The following LRRTM4 variants were observed in gnomAD, a reference collection of about 807,000 sequenced individuals.
LRRTM4 encodes the protein leucine-rich repeat transmembrane neuronal protein 4.
In LRRTM4, 25 loss-of-function variants were observed where a neutral mutation model predicts 47.6. That is an observed-to-expected ratio of 0.53 (90% CI 0.38 to 0.73). The LOEUF (loss-of-function observed/expected upper bound fraction) is 0.73, where lower values mean the gene tolerates loss of function less well. Among genes scored for constraint, LRRTM4 ranks in the 30% least tolerant of loss-of-function variants. The pLI is 0.00. For missense variants in LRRTM4, 638 were observed against 713.4 expected (o/e 0.89, Z 1.20); for synonymous variants, 311 against 269.5 (o/e 1.15, Z -1.51).
intron 3 of LRRTM4, among the ~76,000 whole-genome samples, chr2:76,975,676 A>G (rs964390609): frequency 6.6e-6 from 1 of 151,782 alleles, no homozygotes; most frequent in African/African-American, 2.4e-5. Context: ...TCTACTAGGT[A>G]GAAAACATTG....
chr2:77,103,870 A>C (rs1261286245), intron 3 of LRRTM4, among the ~76,000 whole-genome samples: 2 of 151,974 alleles, frequency 1.3e-5, no homozygotes, highest in Non-Finnish European at 2.9e-5. Context: ...CACCAAGAAG[A>C]AAGCCTATTC....
At chr2:77,306,394 C>T (rs1448789263) in intron 3 of LRRTM4, among the ~76,000 whole-genome samples, 1 of 152,180 alleles carries the variant, frequency 6.6e-6, no homozygotes, top group East Asian at 1.9e-4. Context: ...TGCAACTTAG[C>T]ATGGCTTTTG....
chr2:76,881,639 C>T (rs1005754777), intron 3 of LRRTM4, among the ~76,000 whole-genome samples: 2 of 151,850 alleles, frequency 1.3e-5, no homozygotes, highest in African/African-American at 4.8e-5. Flanking sequence ...TGAACTACTT[C>T]TTTTTTTCTA....
intron 3 of LRRTM4, among the ~76,000 whole-genome samples, chr2:77,223,994 A>G (rs1674725212): frequency 1.3e-5 from 2 of 152,020 alleles, no homozygotes; most frequent in Non-Finnish European, 2.9e-5. Flanking sequence ...ACAGCATGGT[A>G]CTGGTACCAA....
At chr2:77,061,931 C>G (rs1003068917) in intron 3 of LRRTM4, among the ~76,000 whole-genome samples, 1 of 152,046 alleles carries the variant, frequency 6.6e-6, no homozygotes, top group East Asian at 1.9e-4. Flanking sequence ...TGTTAATGAG[C>G]CAATTAAACA....
rs200933978 is a variant in LRRTM4, at chr2:77,207,347, G to GTATATA, written c.1551+310970_1551+310971insTATATA. Among the ~76,000 whole-genome samples the GTATATA allele has an allele frequency of 2.8e-4, 23 of 83,404 alleles. 1 individual carries two copies. The highest frequency in any genetic ancestry group is 9.5e-4 in the African/African-American group (22 of 23,198). 54.7% of individuals were successfully genotyped at this position (83,404 alleles called of 152,430 possible). A position where few individuals can be genotyped will look rare whatever the true frequency, so the allele number is the denominator to read the frequency against. On this transcript the variant is annotated intron_variant, in intron 3 of 3. Transcript: ENST00000409884. The stretch of plus-strand genomic sequence containing the variant: ...TTATGTTTTTCCTAATTTCATATAT[G>GTATATA]TGTATATATATATATATATATATAT...
chr2:77,066,291 AACT>A (rs1239065802), intron 3 of LRRTM4, among the ~76,000 whole-genome samples: 1 of 152,200 alleles, frequency 6.6e-6, no homozygotes, highest in African/African-American at 2.4e-5. Flanking sequence ...ATAGAACAAG[AACT>A]ACTGAGTCTG....
At position 76,830,515 on chromosome 2, in the gene LRRTM4, CGTGTGT is replaced by C. The variant is rs57566911; in HGVS notation, c.1552-81605_1552-81600del. On this transcript the variant is annotated intron_variant, in intron 3 of 3. Transcript: ENST00000409884. Reference sequence around the variant, plus strand: ...AGTTGTCTATGTGTGGCAGTGTGTGCGTGTGTGTGTGTGTGTGTGTGTGTGTGTGTG... The same window carrying C: ...AGTTGTCTATGTGTGGCAGTGTGTGCGTGTGTGTGTGTGTGTGTGTGTGTG... Among the ~76,000 whole-genome samples, 1,075 of 144,074 alleles carry C rather than the reference CGTGTGT, an allele frequency of 7.5e-3. 9 individuals carry two copies. Among genetic ancestry groups the C allele is most frequent in the African/African-American group, 0.022 (869 of 39,988 alleles). 94.5% of individuals were successfully genotyped at this position (144,074 alleles called of 152,430 possible).
At chr2:76,945,798 C>T (rs1675304819) in intron 3 of LRRTM4, among the ~76,000 whole-genome samples, 2 of 151,496 alleles carry the variant, frequency 1.3e-5, no homozygotes. Context: ...TATTTCAAAA[C>T]ATCATTACAG....
intron 3 of LRRTM4, among the ~76,000 whole-genome samples, chr2:77,272,366 T>C (rs920489340): frequency 6.6e-6 from 1 of 152,052 alleles, no homozygotes; most frequent in African/African-American, 2.4e-5. Flanking sequence ...ATAATGAACA[T>C]AGTAATAGCC....
intron 3 of LRRTM4, among the ~76,000 whole-genome samples, chr2:77,448,964 A>T (rs1226279388): frequency 6.6e-6 from 1 of 152,192 alleles, no homozygotes; most frequent in Non-Finnish European, 1.5e-5. Flanking sequence ...AAATTTGATT[A>T]TCTTGATCAT....
rs187196681 is a variant in LRRTM4 at position 77,029,907 on chromosome 2, A to G, written c.1552-280991T>C. 2.0e-3 allele frequency among the ~76,000 whole-genome samples: 307 copies of G among 152,072 alleles called. 1 individual carries two copies. Among genetic ancestry groups the G allele is most frequent in the African/African-American group, 6.8e-3 (283 of 41,460 alleles). On this transcript the variant is annotated intron_variant, in intron 3 of 3. Coordinates refer to ENST00000409884, the MANE Select transcript of LRRTM4 (RefSeq NM_001134745.3). ...GTGGTGACCAAAATCCTAGGGACTC[A>G]GGGGGAAATTAAAACACATTAAATA...
chr2:77,514,843 T>C (rs1679149016), intron 3 of LRRTM4, among the ~76,000 whole-genome samples: 1 of 151,992 alleles, frequency 6.6e-6, no homozygotes, highest in African/African-American at 2.4e-5. Flanking sequence ...AACTAGATAT[T>C]CAAAACTTTG....
intron 3 of LRRTM4, among the ~76,000 whole-genome samples, chr2:76,990,232 G>A (rs572035789): frequency 2.0e-5 from 3 of 151,664 alleles, no homozygotes; most frequent in Admixed American, 6.6e-5. Flanking sequence ...CTAAAAAGAC[G>A]GTGGGAAACC....
intron 3 of LRRTM4, among the ~76,000 whole-genome samples, chr2:76,925,236 C>G (rs1295086349): frequency 6.6e-6 from 1 of 152,268 alleles, no homozygotes; most frequent in East Asian, 1.9e-4. Context: ...TGCTTTCCTA[C>G]TCTTCATGAA....
At position 77,208,541 on chromosome 2, in the gene LRRTM4, TGGAGAA is replaced by T. The variant is rs1276638686; in HGVS notation, c.1551+309771_1551+309776del. Among the ~76,000 whole-genome samples, 3 of 152,114 alleles carry T rather than the reference TGGAGAA, an allele frequency of 2.0e-5. No individual in the cohort carries two copies. In the East Asian group the frequency reaches 5.8e-4, roughly 30 times the overall value. On this transcript the variant is annotated intron_variant, in intron 3 of 3. Coordinates refer to ENST00000409884, the MANE Select transcript of LRRTM4 (RefSeq NM_001134745.3). ...CTGTGGGTGGAGGCTGGTCAACTGTTGGAGAAGGAGTTGGGGTGTCACACATATATA... is the reference window on the plus strand; with the variant it reads ...CTGTGGGTGGAGGCTGGTCAACTGTTGGAGTTGGGGTGTCACACATATATA...
intron 3 of LRRTM4, among the ~76,000 whole-genome samples, chr2:77,164,122 A>T (rs940724065): frequency 1.3e-5 from 2 of 152,192 alleles, no homozygotes; most frequent in African/African-American, 4.8e-5. Flanking sequence ...AAAATCTACC[A>T]AGCAAATGGA....
At chr2:77,332,865 A>G (rs1306612967) in intron 3 of LRRTM4, among the ~76,000 whole-genome samples, 2 of 152,122 alleles carry the variant, frequency 1.3e-5, no homozygotes, top group African/African-American at 4.8e-5. Context: ...CACAGTACTG[A>G]TATAGATTGA....
chr2:77,421,478 C>T (rs1195982226), intron 3 of LRRTM4, among the ~76,000 whole-genome samples: 1 of 152,078 alleles, frequency 6.6e-6, no homozygotes, highest in Admixed American at 6.5e-5. Context: ...GAGGCCGAGG[C>T]GGGCGGATCA....
Sources: gnomAD v4.1 joint callset for allele counts (sites outside exome capture counted in the v4.1 genomes callset) on GRCh38, gnomAD v4.1.1 for gene constraint, MANE v1.5 for transcripts, NCBI Gene and HGNC (gene_info 2026-07-23, HGNC 2026-07-21) for gene names.